The following TAMM41 variants were observed in gnomAD, a reference collection of about 807,000 sequenced individuals.
TAMM41 encodes the protein TAM41 mitochondrial translocator assembly and maintenance homolog.
A neutral mutation model predicts 44.1 loss-of-function variants in TAMM41; 36 were observed. The ratio of observed to expected loss-of-function variants is 0.82; its 90% CI spans 0.63 to 1.08. The LOEUF is 1.08. Among genes scored for constraint, TAMM41 ranks in the 50% least tolerant of loss-of-function variants. The pLI is 0.00. For synonymous variants in TAMM41, 164 were observed against 153.1 expected (o/e 1.07, Z -0.53); for missense variants, 417 against 404.3 (o/e 1.03, Z -0.27).
At chr3:11,755,413 GGAGA>G in the TAMM41 span, among the ~76,000 whole-genome samples, 1 of 152,184 alleles carries the variant, frequency 6.6e-6, no homozygotes, top group Non-Finnish European at 1.5e-5. Context: ...GCCTGTTGCA[GGAGA>G]GAAAGAAGAG....
chr3:11,844,347 C>T (rs1456779276), intron 1 of TAMM41, 136 bp from the exon 2 acceptor site: 16 of 727,366 alleles, frequency 2.2e-5, no homozygotes, highest in Admixed American at 2.9e-5. Flanking sequence ...GAAATGTGAG[C>T]GAGTCTCTGG....
chr3:11,823,829 C>CTTT (rs35092715), intron 4 of TAMM41, among the ~76,000 whole-genome samples: 11,408 of 117,772 alleles, frequency 0.097, 1,593 homozygotes, highest in East Asian at 0.44. Flanking sequence ...CCATGCCCGG[C>CTTT]TTTTTTTTTT....
intron 7 of TAMM41, among the ~76,000 whole-genome samples, chr3:11,796,882 G>GCCA (rs1030629644): frequency 1.1e-5 from 1 of 91,992 alleles, no homozygotes; most frequent in Non-Finnish European, 1.9e-5. Context: ...CAAGCCAAGA[G>GCCA]CCAATTAAGA....
intron 4 of TAMM41, among the ~76,000 whole-genome samples, chr3:11,826,957 A>C (rs1332578753): frequency 6.6e-6 from 1 of 152,248 alleles, no homozygotes; most frequent in Non-Finnish European, 1.5e-5. Context: ...CAGTCACATC[A>C]GTCTACTGCT....
chr3:11,733,000 G>GGT, the TAMM41 span, among the ~76,000 whole-genome samples: 62 of 85,592 alleles, frequency 7.2e-4, 1 homozygote, highest in Admixed American at 7.8e-3. Flanking sequence ...TTTTTTTTTT[G>GGT]TTTGTTTGTT....
chr3:11,749,914 T>C, the TAMM41 span, among the ~76,000 whole-genome samples: 90 of 151,904 alleles, frequency 5.9e-4, no homozygotes, highest in African/African-American at 2.0e-3. Context: ...TTTTTTTTTT[T>C]TTTGACGGAG....
At chr3:11,737,515 T>C in the TAMM41 span, among the ~76,000 whole-genome samples, 2 of 151,938 alleles carry the variant, frequency 1.3e-5, no homozygotes, top group African/African-American at 4.8e-5. Context: ...AGATGGGGTT[T>C]CTCCATGTTG....
At chr3:11,788,230 T>C (rs115158453), downstream of TAMM41, among the ~76,000 whole-genome samples, 358 of 152,310 alleles carry the variant, frequency 2.4e-3, 1 homozygote, top group Non-Finnish European at 3.4e-3. Context: ...CTCTATCAGA[T>C]ACAGAGGACA....
At chr3:11,753,491 G>A in the TAMM41 span, among the ~76,000 whole-genome samples, 4 of 151,968 alleles carry the variant, frequency 2.6e-5, no homozygotes, top group Admixed American at 6.6e-5. Context: ...TTGGGAGGCC[G>A]AGGCATGTGG....
intron 7 of TAMM41, chr3:11,807,034 C>T: frequency 2.9e-6 from 1 of 340,072 alleles, no homozygotes; most frequent in Non-Finnish European, 4.2e-6. Flanking sequence ...CATACGTGGT[C>T]TCCAAATGTG....
At chr3:11,770,598 C>T in the TAMM41 span, among the ~76,000 whole-genome samples, 2 of 152,138 alleles carry the variant, frequency 1.3e-5, no homozygotes, top group Non-Finnish European at 2.9e-5. Flanking sequence ...CACTGCTGAG[C>T]GCGTGCTGAT....
At position 11,829,591 on chromosome 3, in the gene TAMM41, C is replaced by G; in HGVS notation, c.562+123G>C. ...TCACGAGGTTAGTGCAGGAACCACT[C>G]AAGAGTGACGTGATTTACAACTAAG... On this transcript the variant is annotated intron_variant, in intron 4 of 7. Coordinates refer to ENST00000455809, the MANE Select transcript of TAMM41 (RefSeq NM_001284401.2). 6.0e-6 allele frequency: 7 copies of G among 1,171,034 alleles called. No individual in the cohort carries two copies. In the South Asian group the frequency reaches 1.1e-4, roughly 18 times the overall value. The allele number at this position is 1,171,034 out of a possible 1,614,324, so 72.5% of individuals were successfully genotyped here. A position where few individuals can be genotyped will look rare whatever the true frequency, so the allele number is the denominator to read the frequency against.
chr3:11,743,244 C>T, the TAMM41 span, among the ~76,000 whole-genome samples: 1 of 150,926 alleles, frequency 6.6e-6, no homozygotes, highest in Non-Finnish European at 1.5e-5. Context: ...GCTGAAAGTC[C>T]TGTGGGGTGG....
chr3:11,837,150 T>C (rs1352162453), intron 3 of TAMM41, among the ~76,000 whole-genome samples: 1 of 152,160 alleles, frequency 6.6e-6, no homozygotes, highest in African/African-American at 2.4e-5. Context: ...AATAAAGAGA[T>C]GTTTATGACA....
intron 2 of TAMM41, among the ~76,000 whole-genome samples, chr3:11,841,664 AG>A (rs1355286544): frequency 6.6e-6 from 1 of 152,224 alleles, no homozygotes; most frequent in Non-Finnish European, 1.5e-5. Flanking sequence ...CTGTGGAGAA[AG>A]AACAAAGCTA....
intron 4 of TAMM41, among the ~76,000 whole-genome samples, chr3:11,822,490 A>G (rs1017130046): frequency 1.3e-5 from 2 of 152,246 alleles, no homozygotes; most frequent in African/African-American, 2.4e-5. Context: ...CCCAGCCTGA[A>G]TTTAAACATT....
chr3:11,728,076 C>T, the TAMM41 span, among the ~76,000 whole-genome samples: 1 of 151,952 alleles, frequency 6.6e-6, no homozygotes. Flanking sequence ...CGTGAGCCAC[C>T]GTGCCCAGCC....
chr3:11,747,537 G>C, the TAMM41 span, among the ~76,000 whole-genome samples: 1 of 152,104 alleles, frequency 6.6e-6, no homozygotes, highest in Non-Finnish European at 1.5e-5. Flanking sequence ...AGGAGGCCGA[G>C]GTGGGATGAT....
In TAMM41 at chr3:11,805,776, C is replaced by A. The variant is rs565202811; in HGVS notation, c.937+2057G>T. ...CTCTGTGCTATTTCTCCCTCTCTTGCAAATTTCTGTTAGCATGTCTCTTTT... is the reference window on the plus strand; with the variant it reads ...CTCTGTGCTATTTCTCCCTCTCTTGAAAATTTCTGTTAGCATGTCTCTTTT... On this transcript the variant is annotated intron_variant, in intron 7 of 7. Coordinates refer to ENST00000455809, the MANE Select transcript of TAMM41 (RefSeq NM_001284401.2). Among the ~76,000 whole-genome samples the A allele has an allele frequency of 7.2e-5, 11 of 152,310 alleles. No individual in the cohort carries two copies. The South Asian group carries it at 8.3e-4, about 11-fold the overall frequency.
Sources: allele counts gnomAD v4.1 joint callset (sites outside exome capture counted in the v4.1 genomes callset), GRCh38; gene constraint gnomAD v4.1.1; transcripts MANE v1.5; gene names NCBI Gene and HGNC (gene_info 2026-07-23, HGNC 2026-07-21).